The following TENM4 variants were observed in gnomAD, a reference collection of about 807,000 sequenced individuals.
TENM4 encodes the protein teneurin transmembrane protein 4, also known as teneurin-4.
TENM4 carries 82 observed loss-of-function variants against 243.3 expected under a neutral mutation model. The observed-to-expected ratio is 0.34, with a 90% CI of 0.28 to 0.40. TENM4 has a LOEUF of 0.40. TENM4 is among the 10% of genes least tolerant of loss of function. TENM4 has a pLI of 1.00. For missense variants in TENM4, 3,138 were observed against 3,673.3 expected, an observed-to-expected ratio of 0.85 and a Z score of 3.77; for synonymous variants, 1,412 against 1,456.3, an observed-to-expected ratio of 0.97 and a Z score of 0.69.
At chr11:78,864,212 C>T (rs1391000272) in intron 9 of TENM4, among the ~76,000 whole-genome samples, 1 of 151,968 alleles carries the variant, frequency 6.6e-6, no homozygotes, top group African/African-American at 2.4e-5. Flanking sequence ...TTTCACTGTA[C>T]ACCTTTTGCA....
Position 79,164,456 on chromosome 11 carries a change from AGTATATATATAGT to A in TENM4, c.-162-15663_-162-15651del, listed in dbSNP as rs567341897. 5.7e-3 allele frequency among the ~76,000 whole-genome samples: 763 copies of A among 133,788 alleles called. 10 individuals carry two copies. The highest frequency in any genetic ancestry group is 0.021 in the African/African-American group (714 of 34,504). The allele number at this position is 133,788 out of a possible 152,430, so 87.8% of individuals were successfully genotyped here. A position where few individuals can be genotyped will look rare whatever the true frequency, so the allele number is the denominator to read the frequency against. On this transcript the variant is annotated intron_variant, in intron 3 of 33. Coordinates refer to ENST00000278550, the MANE Select transcript of TENM4 (RefSeq NM_001098816.3). ...TATATATGTACTATATAGTATATAT[AGTATATATATAGT>A]GTATATATATAGTGTATACATATAG...
intron 1 of TENM4, among the ~76,000 whole-genome samples, chr11:79,360,462 T>C (rs1211613577): frequency 2.6e-5 from 4 of 152,208 alleles, no homozygotes; most frequent in African/African-American, 9.7e-5. Context: ...AGTAGGAATT[T>C]ATCTTTGATC....
chr11:79,014,480 T>C (rs979433814), intron 6 of TENM4: 2 of 152,224 alleles, frequency 1.3e-5, no homozygotes, highest in Non-Finnish European at 2.9e-5. Context: ...ATACAGCATA[T>C]GCACATTCTA....
intron 6 of TENM4, among the ~76,000 whole-genome samples, chr11:79,013,453 C>T (rs193301266): frequency 1.3e-5 from 2 of 152,236 alleles, no homozygotes; most frequent in African/African-American, 4.8e-5. Context: ...TCCCCCAACC[C>T]CCTTCACTGT....
chr11:79,071,181 G>A (rs1176240833), intron 4 of TENM4, among the ~76,000 whole-genome samples: 1 of 152,180 alleles, frequency 6.6e-6, no homozygotes, highest in Non-Finnish European at 1.5e-5. Context: ...ACAGGGCCAG[G>A]AGCTCAATAC....
In TENM4 at chr11:79,139,720, A is replaced by AAATATATATTATATTTATATAAGTATAT. The variant is rs1565220684; in HGVS notation, c.-66+8989_-66+8990insATATACTTATATAAATATAATATATATT. ...TATATAATATTTATATAAGTATATAAAATATATATTATATTTATATAAATA... is the reference window on the plus strand; with the variant it reads ...TATATAATATTTATATAAGTATATAAAATATATATTATATTTATATAAGTATATAATATATATTATATTTATATAAATA... On this transcript the variant is annotated intron_variant, in intron 4 of 33. Coordinates refer to ENST00000278550, the MANE Select transcript of TENM4 (RefSeq NM_001098816.3). 2.6e-4 allele frequency among the ~76,000 whole-genome samples: 12 copies of AAATATATATTATATTTATATAAGTATAT among 46,712 alleles called. 1 individual carries two copies. The East Asian group carries it at 3.8e-3, about 15-fold the overall frequency. 30.6% of individuals were successfully genotyped at this position (46,712 alleles called of 152,430 possible). A position where few individuals can be genotyped will look rare whatever the true frequency, so the allele number is the denominator to read the frequency against.
intron 13 of TENM4, among the ~76,000 whole-genome samples, chr11:78,813,813 C>T (rs903956430): frequency 2.0e-5 from 3 of 152,232 alleles, no homozygotes; most frequent in South Asian, 2.1e-4. Context: ...CTGGCCTCCT[C>T]AGTCCCTCCC....
In TENM4 at chr11:79,410,086, C is replaced by T. The variant is rs535305082; in HGVS notation, c.-321+30423G>A. On this transcript the variant is annotated intron_variant, in intron 1 of 33. Coordinates refer to ENST00000278550, the MANE Select transcript of TENM4 (RefSeq NM_001098816.3). ...AAACCCATAGTTTTTAAAAAGTTTACGAATTTGTGTTGGGCCGCATTCAAA... is the reference window on the plus strand; with the variant it reads ...AAACCCATAGTTTTTAAAAAGTTTATGAATTTGTGTTGGGCCGCATTCAAA... Among the ~76,000 whole-genome samples the T allele has an allele frequency of 1.1e-4, 17 of 152,246 alleles. No individual in the cohort carries two copies. In the East Asian group the frequency reaches 1.4e-3, roughly 12 times the overall value.
chr11:78,805,325 C>G lies in TENM4; in HGVS notation c.2146G>C (p.Asp716His). The change falls in exon 15 of 34, where the codon GAC becomes CAC. Residue 716 changes from aspartate to histidine, a missense_variant. Physicochemically the swap from Asp to His is moderately conservative, Grantham distance 81. Coordinates refer to ENST00000278550, the MANE Select transcript of TENM4 (RefSeq NM_001098816.3). ...FLPDTGLCSC[D>H]PSWTGHDCSI... ...CAGTCGTGTCCAGTCCAGCTTGGGT[C>G]ACAGCTGCAAAGCCCGGTGTCCGGG... The G allele has an allele frequency of 1.9e-6, 3 of 1,584,894 alleles. No homozygotes were observed. Among genetic ancestry groups the G allele is most frequent in the Non-Finnish European group, 2.6e-6 (3 of 1,160,878 alleles).
chr11:79,164,056 GTA>G (rs1164945174), intron 3 of TENM4, among the ~76,000 whole-genome samples: 1 of 17,864 alleles, frequency 5.6e-5, no homozygotes, highest in East Asian at 1.0e-3. Flanking sequence ...TAAATACTAT[GTA>G]TATATAGTGT....
intron 2 of TENM4, among the ~76,000 whole-genome samples, chr11:79,265,818 A>G (rs1378602165): frequency 6.6e-6 from 1 of 152,116 alleles, no homozygotes; most frequent in Non-Finnish European, 1.5e-5. Flanking sequence ...TCAGCCTAGG[A>G]GGTTATGCTA....
At chr11:79,247,759 T>C (rs1363003788) in intron 2 of TENM4, among the ~76,000 whole-genome samples, 4 of 152,242 alleles carry the variant, frequency 2.6e-5, no homozygotes, top group Non-Finnish European at 5.9e-5. Context: ...TCTCCTTCTA[T>C]ACTAGACTTA....
intron 1 of TENM4, among the ~76,000 whole-genome samples, chr11:79,314,580 G>A (rs1856774376): frequency 6.6e-6 from 1 of 152,202 alleles, no homozygotes; most frequent in South Asian, 2.1e-4. Flanking sequence ...ACAGATAAAT[G>A]TCAGTCTTTG....
At chr11:78,688,609 G>C (rs1858742672) in intron 28 of TENM4, among the ~76,000 whole-genome samples, 1 of 152,158 alleles carries the variant, frequency 6.6e-6, no homozygotes, top group South Asian at 2.1e-4. Flanking sequence ...CCCCAGAAAT[G>C]ATGTAGTCAA....
At chr11:79,439,874 G>A (rs942996384) in intron 1 of TENM4, among the ~76,000 whole-genome samples, 18 of 152,236 alleles carry the variant, frequency 1.2e-4, no homozygotes, top group Admixed American at 2.6e-4. Context: ...TCCATCTGGC[G>A]GCTGCAGCCT....
rs75960020 is a variant in TENM4 at position 78,721,864 on chromosome 11, C to T, written c.3800+804G>A. Among the ~76,000 whole-genome samples, 700 of 152,256 alleles carry T rather than the reference C, an allele frequency of 4.6e-3. 12 individuals are homozygous for T. The highest frequency in any genetic ancestry group is 0.011 in the East Asian group (58 of 5,156). ...GTGAGGCTCCCTTATCTCTAAAGCA[C>T]AGCTCTTCCATGACCCCTAAGCCCA... is the stretch of plus-strand genomic sequence containing the variant. On this transcript the variant is annotated intron_variant, in intron 24 of 33. Coordinates refer to ENST00000278550, the MANE Select transcript of TENM4 (RefSeq NM_001098816.3).
rs116588437 is a variant in TENM4, at chr11:79,245,081, G to C, written c.-264-29172C>G. On this transcript the variant is annotated intron_variant, in intron 2 of 33. Coordinates refer to ENST00000278550, the MANE Select transcript of TENM4 (RefSeq NM_001098816.3). ...AGCACAGAAACCCAGCTCTGTACAT[G>C]CCAACTGTTTATGGCCATGGTGCTC... Among the ~76,000 whole-genome samples the C allele has an allele frequency of 3.8e-3, 584 of 152,302 alleles. 2 individuals are homozygous for C. The highest frequency in any genetic ancestry group is 0.013 in the African/African-American group (553 of 41,564).
chr11:78,744,658 T>G (rs1481253102), intron 19 of TENM4, among the ~76,000 whole-genome samples: 1 of 152,236 alleles, frequency 6.6e-6, no homozygotes, highest in Non-Finnish European at 1.5e-5. Flanking sequence ...TGGAACCATT[T>G]TTGATTGCAC....
chr11:78,778,495 A>G, intron 17 of TENM4, 107 bp downstream of exon 17: 2 of 1,230,818 alleles, frequency 1.6e-6, no homozygotes, highest in Non-Finnish European at 2.3e-6. Flanking sequence ...TCCAGACATC[A>G]TGCTTATGTG....
Sources: allele counts gnomAD v4.1 joint callset (sites outside exome capture counted in the v4.1 genomes callset), GRCh38; gene constraint gnomAD v4.1.1; transcripts MANE v1.5; gene names NCBI Gene and HGNC (gene_info 2026-07-23, HGNC 2026-07-21).